CSMD3: variants seen among roughly 807,000 people sequenced by gnomAD.
CSMD3 encodes CUB and sushi domain-containing protein 3.
In CSMD3, 177 loss-of-function variants were observed where a neutral mutation model predicts 435.2. The ratio of observed to expected loss-of-function variants is 0.41; its 90% CI spans 0.36 to 0.46. The LOEUF is 0.46. Ranked by LOEUF, CSMD3 falls within the 20% of genes least tolerant of loss-of-function variation. The pLI, the probability that CSMD3 is intolerant of heterozygous loss-of-function variation, is 0.34. For synonymous variants in CSMD3, 1,656 were observed against 1,520.5 expected, an observed-to-expected ratio of 1.09 and a Z score of -2.07; for missense variants, 4,265 against 4,504.6, an observed-to-expected ratio of 0.95 and a Z score of 1.52.
intron 42 of CSMD3, among the ~76,000 whole-genome samples, chr8:112,337,974 T>C (rs183234353): frequency 6.6e-6 from 1 of 152,188 alleles, no homozygotes; most frequent in African/African-American, 2.4e-5. Flanking sequence ...CTTCACCTAC[T>C]TGTGCAACCC....
intron 68 of CSMD3, among the ~76,000 whole-genome samples, chr8:112,233,102 G>A (rs1813251423): frequency 6.6e-6 from 1 of 152,162 alleles, no homozygotes; most frequent in South Asian, 2.1e-4. Context: ...TATGCATAAT[G>A]TAATTTGATC....
intron 12 of CSMD3, among the ~76,000 whole-genome samples, chr8:112,829,358 T>A (rs2079794870): frequency 6.6e-6 from 1 of 152,176 alleles, no homozygotes. Context: ...TCAGGTTAGA[T>A]GAGCAGGCCC....
At chr8:112,343,028 T>C (rs1463221685) in intron 41 of CSMD3, among the ~76,000 whole-genome samples, 2 of 143,058 alleles carry the variant, frequency 1.4e-5, no homozygotes, top group Non-Finnish European at 3.0e-5. Context: ...TATATATATA[T>C]ATATAGTTTA....
intron 7 of CSMD3, among the ~76,000 whole-genome samples, chr8:112,963,282 G>A (rs1311310702): frequency 2.0e-5 from 3 of 151,948 alleles, no homozygotes; most frequent in African/African-American, 4.8e-5. Flanking sequence ...GTTACAGCAT[G>A]GTTCCTTATG....
intron 13 of CSMD3, among the ~76,000 whole-genome samples, chr8:112,773,859 G>A (rs1182900798): frequency 6.6e-6 from 1 of 151,962 alleles, no homozygotes; most frequent in African/African-American, 2.4e-5. Flanking sequence ...TAGAAAGAAT[G>A]TAACAAAAAA....
intron 13 of CSMD3, among the ~76,000 whole-genome samples, chr8:112,709,752 A>G (rs1563880039): frequency 6.6e-6 from 1 of 152,212 alleles, no homozygotes; most frequent in East Asian, 1.9e-4. Flanking sequence ...TGTCTATTAG[A>G]AAGTGAAGGG....
chr8:112,847,873 GATTGT>G (rs2080371257), intron 11 of CSMD3, among the ~76,000 whole-genome samples: 1 of 152,136 alleles, frequency 6.6e-6, no homozygotes, highest in African/African-American at 2.4e-5. Flanking sequence ...GGAAGATTAA[GATTGT>G]ATTTAATGGA....
At chr8:112,420,604 C>A (rs1455794816) in intron 32 of CSMD3, among the ~76,000 whole-genome samples, 1 of 151,758 alleles carries the variant, frequency 6.6e-6, no homozygotes, top group African/African-American at 2.4e-5. Context: ...TTTTTAATGA[C>A]ATATATTTGT....
chr8:112,567,512 G>T (rs914812806), intron 24 of CSMD3, among the ~76,000 whole-genome samples: 3 of 152,026 alleles, frequency 2.0e-5, no homozygotes, highest in Non-Finnish European at 4.4e-5. Flanking sequence ...CAAAATTTAA[G>T]CCTATGACCA....
chr8:113,021,104 G>T (rs1286621245), intron 5 of CSMD3, among the ~76,000 whole-genome samples: 1 of 152,030 alleles, frequency 6.6e-6, no homozygotes, highest in Non-Finnish European at 1.5e-5. Flanking sequence ...TTCTTGGTTT[G>T]CAGTGCATTT....
chr8:112,750,364 A>G (rs2077539730), intron 13 of CSMD3, among the ~76,000 whole-genome samples: 1 of 151,920 alleles, frequency 6.6e-6, no homozygotes, highest in African/African-American at 2.4e-5. Flanking sequence ...ACTATGGGTA[A>G]GTCCCCTTGG....
chr8:112,386,061 T>C (rs759114406), intron 36 of CSMD3, among the ~76,000 whole-genome samples: 1 of 151,976 alleles, frequency 6.6e-6, no homozygotes, highest in Non-Finnish European at 1.5e-5. Context: ...GAGGCAGAAA[T>C]TGGAGTGATG....
chr8:112,942,714 T>C (rs945574224), intron 9 of CSMD3, among the ~76,000 whole-genome samples: 7 of 151,312 alleles, frequency 4.6e-5, no homozygotes, highest in South Asian at 2.1e-4. Flanking sequence ...CTACTTGAGG[T>C]TGGAGGGTGA....
intron 3 of CSMD3, among the ~76,000 whole-genome samples, chr8:113,266,424 T>C (rs1179531914): frequency 6.6e-6 from 1 of 151,330 alleles, no homozygotes; most frequent in East Asian, 1.9e-4. Flanking sequence ...TTCTAAATTA[T>C]ATTTTCTCAT....
chr8:113,429,302 C>A (rs1014056807), intron 1 of CSMD3, among the ~76,000 whole-genome samples: 28 of 151,446 alleles, frequency 1.8e-4, no homozygotes, highest in South Asian at 4.2e-4. Flanking sequence ...ATACATAAAT[C>A]TCATGTAAAT....
chr8:112,713,801 A>G (rs187999029), intron 13 of CSMD3, among the ~76,000 whole-genome samples: 157 of 152,292 alleles, frequency 1.0e-3, no homozygotes, highest in African/African-American at 3.7e-3. Flanking sequence ...TTTTCAACCC[A>G]GAATTTCATA....
intron 27 of CSMD3, among the ~76,000 whole-genome samples, chr8:112,547,753 A>G (rs1379928513): frequency 3.3e-5 from 5 of 152,182 alleles, no homozygotes; most frequent in African/African-American, 7.2e-5. Context: ...AACTAACACT[A>G]AAGAAAAAAG....
chr8:113,381,660 T>A (rs2094416335), intron 1 of CSMD3, among the ~76,000 whole-genome samples: 1 of 152,118 alleles, frequency 6.6e-6, no homozygotes, highest in African/African-American at 2.4e-5. Flanking sequence ...AAGGTACATG[T>A]CCCTTGCATG....
At chr8:113,302,894 T>C (rs1267206932) in intron 2 of CSMD3, among the ~76,000 whole-genome samples, 1 of 144,364 alleles carries the variant, frequency 6.9e-6, no homozygotes, top group Non-Finnish European at 1.5e-5. Flanking sequence ...CAACATAGTG[T>C]TGGAAGTTCT....
Sources: allele counts gnomAD v4.1 joint callset (sites outside exome capture counted in the v4.1 genomes callset), GRCh38; gene constraint gnomAD v4.1.1; transcripts MANE v1.5; gene names NCBI Gene and HGNC (gene_info 2026-07-23, HGNC 2026-07-21).